TCF12: variants seen among roughly 807,000 people sequenced by gnomAD.
The protein encoded by TCF12 is transcription factor 12.
A neutral mutation model predicts 86.0 loss-of-function variants in TCF12; 45 were observed. The observed-to-expected ratio is 0.52, with a 90% CI of 0.41 to 0.67. TCF12 has a LOEUF of 0.67. Among genes scored for constraint, TCF12 ranks in the 30% least tolerant of loss-of-function variants. The probability of loss-of-function intolerance (pLI) is 0.00; values close to 1 mark genes in which losing one functional copy is unlikely to be tolerated. For missense variants in TCF12, 881 were observed against 859.9 expected (o/e 1.02, Z -0.31); for synonymous variants, 330 against 299.6 (o/e 1.10, Z -1.05).
At chr15:56,966,616 C>T (rs1161547968) in intron 3 of TCF12, among the ~76,000 whole-genome samples, 5 of 152,184 alleles carry the variant, frequency 3.3e-5, no homozygotes, top group East Asian at 3.9e-4. Flanking sequence ...ACTTGATGTC[C>T]GACTACCAGA....
At chr15:57,173,148 T>A (rs2055648466) in intron 6 of TCF12, among the ~76,000 whole-genome samples, 1 of 152,128 alleles carries the variant, frequency 6.6e-6, no homozygotes. Context: ...TTAAGCAACA[T>A]GTTTAAATGA....
chr15:56,920,569 G>A (rs2059746030), intron 2 of TCF12, among the ~76,000 whole-genome samples: 2 of 151,786 alleles, frequency 1.3e-5, no homozygotes, highest in South Asian at 4.2e-4. Context: ...AGGGCCCACT[G>A]CTTTTATTTT....
At chr15:57,282,359 A>G (rs2061729431) in intron 19 of TCF12, 86 bp from the exon 20 acceptor site, 2 of 1,518,206 alleles carry the variant, frequency 1.3e-6, no homozygotes, top group African/African-American at 2.8e-5. Flanking sequence ...GAATGAAGTT[A>G]CACAAAACAA....
chr15:56,960,022 C>T (rs1642928), intron 3 of TCF12, among the ~76,000 whole-genome samples: 27,603 of 152,002 alleles, frequency 0.18, 2,979 homozygotes, highest in Non-Finnish European at 0.24. Context: ...AGTTAAAAAA[C>T]CGCAGTTACT....
At chr15:57,033,487 A>G (rs557365514) in intron 3 of TCF12, among the ~76,000 whole-genome samples, 7 of 152,266 alleles carry the variant, frequency 4.6e-5, no homozygotes, top group African/African-American at 9.6e-5. Context: ...TTTTCCCCAC[A>G]TTATTGTCTG....
At chr15:57,074,880 C>A (rs934679473) in intron 4 of TCF12, among the ~76,000 whole-genome samples, 2 of 152,086 alleles carry the variant, frequency 1.3e-5, no homozygotes, top group African/African-American at 4.8e-5. Flanking sequence ...ATTTAAGAGA[C>A]CTAAATTAGC....
At chr15:57,250,397 C>G (rs1158209705) in intron 13 of TCF12, among the ~76,000 whole-genome samples, 1 of 152,094 alleles carries the variant, frequency 6.6e-6, no homozygotes, top group Non-Finnish European at 1.5e-5. Flanking sequence ...GTGGTAACAA[C>G]CAAAATGTCT....
At chr15:57,256,468 C>G (rs1173330194) in intron 16 of TCF12, among the ~76,000 whole-genome samples, 1 of 152,088 alleles carries the variant, frequency 6.6e-6, no homozygotes, top group African/African-American at 2.4e-5. Context: ...CTTTTATTGT[C>G]CCCTTGTCAC....
chr15:57,087,424 A>AAAG (rs1555501917), intron 4 of TCF12, among the ~76,000 whole-genome samples: 1 of 148,168 alleles, frequency 6.7e-6, no homozygotes, highest in Non-Finnish European at 1.5e-5. Context: ...AAAAAAAAAA[A>AAAG]AAATTTATAT....
intron 5 of TCF12, among the ~76,000 whole-genome samples, chr15:57,105,360 C>T (rs2151197651): frequency 6.6e-6 from 1 of 152,206 alleles, no homozygotes; most frequent in South Asian, 2.1e-4. Context: ...GTCTTTAAAC[C>T]TTTGTGTGTG....
chr15:57,132,419 A>C (rs983474564), intron 5 of TCF12, among the ~76,000 whole-genome samples: 2 of 152,212 alleles, frequency 1.3e-5, no homozygotes, highest in African/African-American at 4.8e-5. Flanking sequence ...AGAGAGATCA[A>C]ATAAACATAT....
chr15:57,205,499 A>G (rs1240897063), intron 8 of TCF12, among the ~76,000 whole-genome samples: 3 of 152,208 alleles, frequency 2.0e-5, no homozygotes, highest in African/African-American at 7.2e-5. Context: ...GAGAACACAC[A>G]ACAACTGTAT....
chr15:57,259,044 C>A (rs190061111), intron 16 of TCF12, among the ~76,000 whole-genome samples: 37 of 151,916 alleles, frequency 2.4e-4, no homozygotes, highest in Non-Finnish European at 4.4e-4. Flanking sequence ...CACTTTTTTG[C>A]TTTCTGCAAG....
At chr15:57,090,479 A>G (rs540012395) in intron 4 of TCF12, among the ~76,000 whole-genome samples, 2 of 152,348 alleles carry the variant, frequency 1.3e-5, no homozygotes, top group East Asian at 1.9e-4. Context: ...GCACTCCAGA[A>G]GATTAGTGTT....
chr15:57,064,789 C>A (rs1422377900), intron 4 of TCF12, among the ~76,000 whole-genome samples: 1 of 78,572 alleles, frequency 1.3e-5, no homozygotes, highest in Non-Finnish European at 2.0e-5. Flanking sequence ...GAGTGAGACT[C>A]CATCTCAAAA....
chr15:57,270,560 C>A (rs1368675942), intron 18 of TCF12, among the ~76,000 whole-genome samples: 2 of 152,188 alleles, frequency 1.3e-5, no homozygotes, highest in Non-Finnish European at 2.9e-5. Flanking sequence ...AAGCCTACTT[C>A]TGTCAACTCA....
At chr15:57,195,774 C>T (rs2057231062) in intron 7 of TCF12, among the ~76,000 whole-genome samples, 1 of 152,158 alleles carries the variant, frequency 6.6e-6, no homozygotes, top group African/African-American at 2.4e-5. Flanking sequence ...GAGGCCAAGG[C>T]CGATGATCAC....
At chr15:56,933,538 T>C (rs1349399057) in intron 3 of TCF12, among the ~76,000 whole-genome samples, 1 of 152,196 alleles carries the variant, frequency 6.6e-6, no homozygotes, top group Non-Finnish European at 1.5e-5. Context: ...TTGGCTTTAT[T>C]ATTTACTAGA....
At chr15:57,166,201 G>A (rs1175757083) in intron 5 of TCF12, among the ~76,000 whole-genome samples, 9 of 152,186 alleles carry the variant, frequency 5.9e-5, no homozygotes, top group East Asian at 1.9e-4. Flanking sequence ...ACAGACGTGA[G>A]TCACTACATC....
Sources: allele counts gnomAD v4.1 joint callset (sites outside exome capture counted in the v4.1 genomes callset), GRCh38; gene constraint gnomAD v4.1.1; transcripts MANE v1.5; gene names NCBI Gene and HGNC (gene_info 2026-07-23, HGNC 2026-07-21).